The following DSG3 variants were observed in gnomAD, a reference collection of about 807,000 sequenced individuals.
The protein encoded by DSG3 is desmoglein-3.
Under a neutral mutation model 85.9 loss-of-function variants are expected in DSG3, and 63 were observed. The observed-to-expected ratio is 0.73, with a 90% CI of 0.60 to 0.90. The LOEUF (loss-of-function observed/expected upper bound fraction) is 0.90. Ranked by LOEUF, DSG3 falls within the 40% of genes least tolerant of loss-of-function variation. The probability of loss-of-function intolerance (pLI) is 0.00; values close to 1 mark genes in which losing one functional copy is unlikely to be tolerated. For missense variants in DSG3, 1,220 were observed against 1,219.9 expected, an observed-to-expected ratio of 1.00 and a Z score of 0.00; for synonymous variants, 447 against 441.9, an observed-to-expected ratio of 1.01 and a Z score of -0.14.
chr18:31,459,638 C>T (rs2072770920), intron 5 of DSG3, among the ~76,000 whole-genome samples: 1 of 151,918 alleles, frequency 6.6e-6, no homozygotes, highest in Non-Finnish European at 1.5e-5. Context: ...TAGAGAGAAT[C>T]GAAGAGTTTG....
In DSG3 at chr18:31,477,292, C is replaced by T. The variant is rs1322454599; in HGVS notation, c.*1032C>T. ...ATTTTACACTGAGCTCCTTCCTACA[C>T]GTCTCAGTAACAGATCCTGTGTTAG... On this transcript the variant is annotated 3_prime_UTR_variant, in exon 16 of 16. Transcript: ENST00000257189. 6.6e-6 allele frequency: 1 copy of T among 152,182 alleles called. No homozygotes were observed. The highest frequency in any genetic ancestry group is 1.5e-5 in the Non-Finnish European group (1 of 68,032). The allele number at this position is 152,182 out of a possible 1,614,324, so 9.4% of individuals were successfully genotyped here.
At position 31,470,191 on chromosome 18, in the gene DSG3, A is replaced by T. The variant is rs193128304; in HGVS notation, c.1897+842A>T. On this transcript the variant is annotated intron_variant, in intron 12 of 15. Coordinates refer to ENST00000257189, the MANE Select transcript of DSG3 (RefSeq NM_001944.3). ...TATAAACAAGAGAAATCCTTGCTAA[A>T]TTCACACTTTCTTAATTTATTATAA... Among the ~76,000 whole-genome samples, 330 of 152,248 alleles carry T rather than the reference A, an allele frequency of 2.2e-3. 3 individuals are homozygous for T. The highest frequency in any genetic ancestry group is 3.7e-3 in the Non-Finnish European group (254 of 68,008).
rs2072887488 is a variant in DSG3 at position 31,476,224 on chromosome 18, G to A, written c.2964G>A (p.Met988Ile). The change falls in exon 16 of 16, where the codon ATG becomes ATA. Residue 988 changes from methionine to isoleucine, a missense_variant. Physicochemically the swap from Met to Ile is conservative, Grantham distance 10 (BLOSUM62 1). Transcript: ENST00000257189. The stretch of plus-strand genomic sequence containing the variant: ...CGCAGCTACGAGGGTCACATACTAT[G>A]CTCTGTACAGAGGATCCTTGCTCCC... ...GPTQLRGSHT[M>I]LCTEDPCSRL... is the part of the protein sequence containing the mutation. 6.2e-7 allele frequency: 1 copy of A among 1,613,682 alleles called. No homozygotes were observed. Among genetic ancestry groups the A allele is most frequent in the Non-Finnish European group, 8.5e-7 (1 of 1,179,848 alleles).
At chr18:31,469,021 T>C (rs1427836694) in intron 11 of DSG3, 68 bp from the exon 12 acceptor site, 4 of 1,578,240 alleles carry the variant, frequency 2.5e-6, no homozygotes, top group Admixed American at 3.4e-5. Flanking sequence ...TATTCTGTTA[T>C]AGCAACACAA....
At chr18:31,452,890 A>G (rs1245802498) in intron 1 of DSG3, among the ~76,000 whole-genome samples, 1 of 152,120 alleles carries the variant, frequency 6.6e-6, no homozygotes, top group Non-Finnish European at 1.5e-5. Context: ...ATATCCAGGG[A>G]TATTTATTTT....
chr18:31,457,585 C>CTTTCTTCTTTCTTTCT (rs1555666278), intron 3 of DSG3, among the ~76,000 whole-genome samples: 6 of 61,212 alleles, frequency 9.8e-5, no homozygotes, highest in Non-Finnish European at 2.0e-4. Flanking sequence ...TTCTTTCTTT[C>CTTTCTTCTTTCTTTCT]TTCTTTCTTT....
At chr18:31,448,995 A>G (rs2144256757) in intron 1 of DSG3, among the ~76,000 whole-genome samples, 1 of 152,262 alleles carries the variant, frequency 6.6e-6, no homozygotes, top group African/African-American at 2.4e-5. Flanking sequence ...TCTGGGGTTC[A>G]AGTGATTCTC....
intron 1 of DSG3, among the ~76,000 whole-genome samples, chr18:31,455,416 T>C (rs974839857): frequency 3.9e-5 from 6 of 152,060 alleles, no homozygotes; most frequent in African/African-American, 1.5e-4. Flanking sequence ...AAAAATAACC[T>C]AATAGCACTG....
At chr18:31,467,903 G>A (rs192006412) in intron 11 of DSG3, among the ~76,000 whole-genome samples, 1 of 152,272 alleles carries the variant, frequency 6.6e-6, no homozygotes, top group East Asian at 1.9e-4. Flanking sequence ...TCTCCAAACT[G>A]TGCATGTAGC....
intron 5 of DSG3, among the ~76,000 whole-genome samples, 198 bp from the exon 6 acceptor site, chr18:31,459,647 T>A (rs897185391): frequency 6.6e-6 from 1 of 152,168 alleles, no homozygotes; most frequent in African/African-American, 2.4e-5. Context: ...TCGAAGAGTT[T>A]GTATGGAAGG....
At chr18:31,450,296 G>A (rs1024385925) in intron 1 of DSG3, among the ~76,000 whole-genome samples, 1 of 152,120 alleles carries the variant, frequency 6.6e-6, no homozygotes, top group African/African-American at 2.4e-5. Context: ...ATCAAAGGCA[G>A]GCACAGTTAG....
chr18:31,451,128 C>T (rs373859126), intron 1 of DSG3, among the ~76,000 whole-genome samples: 59 of 151,984 alleles, frequency 3.9e-4, no homozygotes, highest in African/African-American at 6.3e-4. Flanking sequence ...TTTTATGCAA[C>T]GTAAAATAAA....
chr18:31,463,836 G>A (rs1421661267), intron 8 of DSG3, among the ~76,000 whole-genome samples: 5 of 152,048 alleles, frequency 3.3e-5, no homozygotes, highest in South Asian at 2.1e-4. Context: ...AGCAAACTTG[G>A]GGTTCTTTCC....
In DSG3 at chr18:31,472,792, A is replaced by G; in HGVS notation, c.2101+4A>G. On this transcript the variant is annotated splice_donor_region_variant and intron_variant, in intron 14 of 15. Transcript: ENST00000257189. ...GCCGATTTCATGGAAAGTTCTGGTA[A>G]GTGGACATAAAATGTTTGAAAGCAA... 1 of 1,613,800 alleles carries G rather than the reference A, an allele frequency of 6.2e-7. No homozygotes were observed. Among genetic ancestry groups the G allele is most frequent in the East Asian group, 2.2e-5 (1 of 44,858 alleles).
intron 1 of DSG3, among the ~76,000 whole-genome samples, chr18:31,454,239 G>A (rs1420285110): frequency 6.6e-6 from 1 of 152,168 alleles, no homozygotes; most frequent in African/African-American, 2.4e-5. Context: ...CAGTTTTCCT[G>A]TAAAGGGGAG....
Position 31,464,091 on chromosome 18 carries a change from TA to T in DSG3, c.1000-18del, listed in dbSNP as rs748215668. 5.0e-6 allele frequency: 8 copies of T among 1,602,172 alleles called. No individual in the cohort carries two copies. The African/African-American group carries it at 5.4e-5, about 11-fold the overall frequency. On this transcript the variant is annotated intron_variant, in intron 8 of 15. Transcript: ENST00000257189. Reference sequence around the variant, plus strand: ...AGTGTATTTTTGTGAAACTGCCTTCTAATTTTATTTTTTCTCCAGGCTCTAG... The same window carrying T: ...AGTGTATTTTTGTGAAACTGCCTTCTATTTTATTTTTTCTCCAGGCTCTAG...
In DSG3 at chr18:31,476,390, AC is replaced by A; in HGVS notation, c.*131del. 1 of 1,079,212 alleles carries A rather than the reference AC, an allele frequency of 9.3e-7. No homozygotes were observed. The highest frequency in any genetic ancestry group is 1.9e-5 in the South Asian group (1 of 51,844). 66.9% of individuals were successfully genotyped at this position (1,079,212 alleles called of 1,614,324 possible). ...TATTAGCTTCTCTCATAAACTGATC[AC>A]GATTATAAATTAAATGTTTGGGTTC... On this transcript the variant is annotated 3_prime_UTR_variant, in exon 16 of 16. Coordinates refer to ENST00000257189, the MANE Select transcript of DSG3 (RefSeq NM_001944.3).
At chr18:31,450,331 AC>A (rs1264608840) in intron 1 of DSG3, among the ~76,000 whole-genome samples, 1 of 152,202 alleles carries the variant, frequency 6.6e-6, no homozygotes, top group African/African-American at 2.4e-5. Context: ...AAATGGACAC[AC>A]CAGTATGACT....
Position 31,474,183 on chromosome 18 carries a change from A to C in DSG3, c.2164A>C (p.Thr722Pro). 6.2e-7 allele frequency: 1 copy of C among 1,614,192 alleles called. No homozygotes were observed. The highest frequency in any genetic ancestry group is 8.5e-7 in the Non-Finnish European group (1 of 1,180,024). Residue 722 changes from threonine to proline, a missense_variant, in exon 15 of 16, where the codon ACC becomes CCC. By Grantham distance (38) the Thr-to-Pro change is conservative. Transcript: ENST00000257189. ...GGAAGGCACTTCAGGAATGGAAATG[A>C]CCACTAAGCTTGGAGCAGCCACTGA... ...AVEGTSGMEMTTKLGAATESG... is the reference protein window; with the variant it reads ...AVEGTSGMEMPTKLGAATESG...
Sources: gnomAD v4.1 joint callset for allele counts (sites outside exome capture counted in the v4.1 genomes callset) on GRCh38, gnomAD v4.1.1 for gene constraint, MANE v1.5 for transcripts, NCBI Gene and HGNC (gene_info 2026-07-23, HGNC 2026-07-21) for gene names.